The following ERP27 variants were observed in gnomAD, a reference collection of about 807,000 sequenced individuals.
ERP27 encodes endoplasmic reticulum resident protein 27.
Under a neutral mutation model 27.7 loss-of-function variants are expected in ERP27, and 23 were observed. The ratio of observed to expected loss-of-function variants is 0.83; its 90% CI spans 0.60 to 1.18. The LOEUF (loss-of-function observed/expected upper bound fraction) is 1.18, where lower values mean the gene tolerates loss of function less well. Ranked by LOEUF, ERP27 falls within the 50% of genes most tolerant of loss-of-function variation. The pLI, the probability that ERP27 is intolerant of heterozygous loss-of-function variation, is 0.00. For missense variants in ERP27, 363 were observed against 327.9 expected, an observed-to-expected ratio of 1.11 and a Z score of -0.83; for synonymous variants, 159 against 118.3, an observed-to-expected ratio of 1.34 and a Z score of -2.23.
Position 14,914,730 on chromosome 12 carries a change from A to G in ERP27, c.*5T>C. 1 of 1,612,942 alleles carries G rather than the reference A, an allele frequency of 6.2e-7. No homozygotes were observed. ...TACTTGGCCATATGTAGTTCCAAGG[A>G]GAAGTCAGAGTTCCACCTTTGGAGT... On this transcript the variant is annotated 3_prime_UTR_variant, in exon 7 of 7. Transcript: ENST00000266397.
chr12:14,927,744 G>GCACA lies in ERP27; in HGVS notation c.334-6700_334-6697dup, dbSNP rs3084565. On this transcript the variant is annotated intron_variant, in intron 3 of 6. Coordinates refer to ENST00000266397, the MANE Select transcript of ERP27 (RefSeq NM_152321.4). ...TTTACTGGCTCTCTAATGCCTTCAG[G>GCACA]CACACACACACACACACACACACAC... Among the ~76,000 whole-genome samples, 134 of 148,316 alleles carry GCACA rather than the reference G, an allele frequency of 9.0e-4. 1 individual carries two copies. The highest frequency in any genetic ancestry group is 5.2e-3 in the East Asian group (26 of 4,998).
rs895623713 is a variant in ERP27, at chr12:14,914,502, T to A, written c.*233A>T. On this transcript the variant is annotated 3_prime_UTR_variant, in exon 7 of 7. Transcript: ENST00000266397. ...GGAAATTGGATAGGGAGTGAGGATATGAAATTTAAAAGAAGGAAGAAGAGA... is the reference window on the plus strand; with the variant it reads ...GGAAATTGGATAGGGAGTGAGGATAAGAAATTTAAAAGAAGGAAGAAGAGA... 3 of 516,604 alleles carry A rather than the reference T, an allele frequency of 5.8e-6. No individual in the cohort carries two copies. Among genetic ancestry groups the A allele is most frequent in the Non-Finnish European group, 1.0e-5 (3 of 293,614 alleles). 32.0% of individuals were successfully genotyped at this position (516,604 alleles called of 1,614,324 possible).
chr12:14,924,627 A>G (rs1358854640), intron 3 of ERP27, among the ~76,000 whole-genome samples: 1 of 152,166 alleles, frequency 6.6e-6, no homozygotes, highest in Non-Finnish European at 1.5e-5. Context: ...AAAAAAATGT[A>G]GAAAGCAACC....
At chr12:14,927,030 T>C (rs1306598088) in intron 3 of ERP27, among the ~76,000 whole-genome samples, 1 of 152,178 alleles carries the variant, frequency 6.6e-6, no homozygotes, top group Non-Finnish European at 1.5e-5. Flanking sequence ...AAGGCTGTTT[T>C]TGCTGGGGGT....
intron 4 of ERP27, among the ~76,000 whole-genome samples, chr12:14,920,473 A>T (rs1363227507): frequency 2.0e-5 from 3 of 152,186 alleles, no homozygotes; most frequent in East Asian, 3.8e-4. Flanking sequence ...TTCATTTAAA[A>T]TTTTTTTGTT....
At chr12:14,917,967 T>C (rs1409606952) in intron 4 of ERP27, among the ~76,000 whole-genome samples, 1 of 152,238 alleles carries the variant, frequency 6.6e-6, no homozygotes, top group Non-Finnish European at 1.5e-5. Flanking sequence ...TGTAACATAT[T>C]AGTCACTTTA....
intron 4 of ERP27, 74 bp from the exon 5 acceptor site, chr12:14,917,377 G>A (rs1243385006): frequency 1.9e-6 from 3 of 1,595,680 alleles, no homozygotes; most frequent in Non-Finnish European, 2.6e-6. Context: ...GGAGTGAATA[G>A]GTAGATTGAA....
intron 2 of ERP27, among the ~76,000 whole-genome samples, chr12:14,937,550 T>C (rs1202287275): frequency 6.6e-6 from 1 of 152,190 alleles, no homozygotes; most frequent in Non-Finnish European, 1.5e-5. Context: ...TGGCATCCTG[T>C]AAACAGTGTT....
At chr12:14,935,042 G>C in intron 2 of ERP27, 49 bp from the exon 3 acceptor site, 2 of 1,586,304 alleles carry the variant, frequency 1.3e-6, no homozygotes, top group Non-Finnish European at 1.7e-6. Context: ...TCGAAGGGCA[G>C]AGACAAACGA....
In ERP27 at chr12:14,934,946, T is replaced by G. The variant is rs766591384; in HGVS notation, c.243A>C (p.Lys81Asn). Residue 81 changes from lysine to asparagine, a missense_variant, in exon 3 of 7, where the codon AAA becomes AAC. Transcript: ENST00000266397. ...AVPILHSMVQ[K>N]FPGVSFGIST... ...TGATCCCAAATGACACGCCTGGGAA[T>G]TTTTGCACCATGCTATGGAGTATGG... The G allele has an allele frequency of 1.9e-6, 3 of 1,613,920 alleles. No individual in the cohort carries two copies. In the East Asian group the frequency reaches 6.7e-5, roughly 36 times the overall value.
chr12:14,929,294 A>G (rs1189854439), intron 3 of ERP27, among the ~76,000 whole-genome samples: 1 of 152,234 alleles, frequency 6.6e-6, no homozygotes, highest in Non-Finnish European at 1.5e-5. Context: ...CTAAGAAGCA[A>G]AAGAGCTTTA....
intron 3 of ERP27, among the ~76,000 whole-genome samples, chr12:14,925,850 A>T (rs950293531): frequency 6.6e-6 from 1 of 152,062 alleles, no homozygotes. Context: ...TGGGTAGACC[A>T]CAAGGTCAGG....
intron 6 of ERP27, 107 bp from the exon 7 acceptor site, chr12:14,914,889 A>G: frequency 3.3e-6 from 3 of 896,620 alleles, no homozygotes; most frequent in Non-Finnish European, 5.1e-6. Flanking sequence ...TGTTATATGA[A>G]GTTTGATTTG....
chr12:14,934,902 A>G lies in ERP27; in HGVS notation c.287T>C (p.Leu96Pro). ...GTTCCCAGTGATGTTGTAGTGTGTC[A>G]GAACCTCAGAATCAGTGCTGATCCC... ...SFGISTDSEV[L>P]THYNITGNTI... The change falls in exon 3 of 7, where the codon CTG (leucine) becomes CCG (proline). Residue 96 changes from leucine to proline, a missense_variant. Transcript: ENST00000266397. 6.2e-7 allele frequency: 1 copy of G among 1,614,134 alleles called. No individual in the cohort carries two copies. The highest frequency in any genetic ancestry group is 1.3e-5 in the African/African-American group (1 of 75,010).
At chr12:14,930,393 T>C (rs891951265) in intron 3 of ERP27, among the ~76,000 whole-genome samples, 4 of 152,190 alleles carry the variant, frequency 2.6e-5, no homozygotes, top group Admixed American at 1.3e-4. Context: ...AGGTCAAAGT[T>C]AGGTTAATTA....
At chr12:14,920,481 G>C (rs749008328) in intron 4 of ERP27, among the ~76,000 whole-genome samples, 3 of 152,074 alleles carry the variant, frequency 2.0e-5, no homozygotes, top group Non-Finnish European at 4.4e-5. Flanking sequence ...AAATTTTTTT[G>C]TTTGTCTTTC....
chr12:14,915,545 C>T lies in ERP27; in HGVS notation c.718G>A (p.Val240Ile). Residue 240 changes from valine to isoleucine, a missense_variant, in exon 6 of 7, where the codon GTT (valine) becomes ATT (isoleucine). Coordinates refer to ENST00000266397, the MANE Select transcript of ERP27 (RefSeq NM_152321.4). ...DEWDTLPTAE[V>I]SVEHVQNFCD... is the part of the protein sequence containing the mutation. ...AAGTTTTGCACATGCTCTACGGAAACTTCTGCTGTGGGCAGTGTATCCCAC... is the reference window on the plus strand; with the variant it reads ...AAGTTTTGCACATGCTCTACGGAAATTTCTGCTGTGGGCAGTGTATCCCAC... The T allele has an allele frequency of 4.3e-6, 7 of 1,614,252 alleles. No homozygotes were observed. The highest frequency in any genetic ancestry group is 5.9e-6 in the Non-Finnish European group (7 of 1,180,032).
rs529565338 is a variant in ERP27 at position 14,928,662 on chromosome 12, C to T, written c.333+6194G>A. 1.4e-4 allele frequency among the ~76,000 whole-genome samples: 22 copies of T among 151,994 alleles called. No homozygotes were observed. In the South Asian group the frequency reaches 4.6e-3, roughly 32 times the overall value. On this transcript the variant is annotated intron_variant, in intron 3 of 6. Coordinates refer to ENST00000266397, the MANE Select transcript of ERP27 (RefSeq NM_152321.4). ...TTGAGGTACAGAAAAGTTTGTATTT[C>T]TAAAAAAGAATTTTGAAACAAATCA...
At chr12:14,930,618 A>G (rs1041470113) in intron 3 of ERP27, among the ~76,000 whole-genome samples, 1 of 128,186 alleles carries the variant, frequency 7.8e-6, no homozygotes, top group African/African-American at 3.2e-5. Context: ...CAAGACTGTT[A>G]TATGCAACTT....
Sources: allele counts gnomAD v4.1 joint callset (sites outside exome capture counted in the v4.1 genomes callset), GRCh38; gene constraint gnomAD v4.1.1; transcripts MANE v1.5; gene names NCBI Gene and HGNC (gene_info 2026-07-23, HGNC 2026-07-21).